DOCK3: variants seen among roughly 807,000 people sequenced by gnomAD.
DOCK3 encodes dedicator of cytokinesis 3.
A neutral mutation model predicts 265.6 loss-of-function variants in DOCK3; 60 were observed. The observed-to-expected ratio is 0.23, with a 90% confidence interval of 0.18 to 0.28. DOCK3 has a LOEUF of 0.28. Among genes scored for constraint, DOCK3 ranks in the 10% least tolerant of loss-of-function variants. The probability of loss-of-function intolerance (pLI) is 1.00; values close to 1 mark genes in which losing one functional copy is unlikely to be tolerated. For missense variants in DOCK3, 1,981 were observed against 2,594.3 expected (o/e 0.76, Z 5.14); for synonymous variants, 881 against 938.0 (o/e 0.94, Z 1.11).
chr3:50,695,066 A>G (rs931970535), intron 1 of DOCK3, among the ~76,000 whole-genome samples: 4 of 152,246 alleles, frequency 2.6e-5, no homozygotes, highest in African/African-American at 9.6e-5. Context: ...TTAGATAAAA[A>G]TAATGCAATC....
intron 9 of DOCK3, among the ~76,000 whole-genome samples, chr3:51,113,065 G>T (rs915223957): frequency 6.6e-6 from 1 of 152,110 alleles, no homozygotes; most frequent in Admixed American, 6.6e-5. Flanking sequence ...AAAACACATT[G>T]TATGCCCACC....
intron 9 of DOCK3, among the ~76,000 whole-genome samples, chr3:51,106,464 CATGT>C (rs1560070003): frequency 6.6e-6 from 1 of 152,198 alleles, no homozygotes; most frequent in African/African-American, 2.4e-5. Context: ...ACTTTGCAGG[CATGT>C]GTGTGTGTGC....
At chr3:51,211,000 T>C (rs575402340) in intron 13 of DOCK3, among the ~76,000 whole-genome samples, 5 of 152,228 alleles carry the variant, frequency 3.3e-5, no homozygotes, top group Admixed American at 6.5e-5. Context: ...ACAGTTCCAG[T>C]AGTAGCATGA....
chr3:51,206,034 C>T (rs2089189474), intron 12 of DOCK3, among the ~76,000 whole-genome samples: 1 of 152,194 alleles, frequency 6.6e-6, no homozygotes, highest in Non-Finnish European at 1.5e-5. Context: ...CTCAAATAGG[C>T]ACAAATATGA....
At chr3:51,253,010 A>G (rs374802509) in intron 22 of DOCK3, among the ~76,000 whole-genome samples, 3 of 152,208 alleles carry the variant, frequency 2.0e-5, no homozygotes, top group South Asian at 2.1e-4. Flanking sequence ...TGTCATAAGT[A>G]GCTCGTATTA....
intron 4 of DOCK3, among the ~76,000 whole-genome samples, chr3:50,927,314 C>T (rs564977174): frequency 3.0e-4 from 45 of 151,974 alleles, no homozygotes; most frequent in Admixed American, 5.2e-4. Context: ...TAGTGGGTAC[C>T]GAAATACCGC....
chr3:51,242,327 C>T (rs2078646479), intron 21 of DOCK3, among the ~76,000 whole-genome samples: 4 of 152,144 alleles, frequency 2.6e-5, no homozygotes. Flanking sequence ...AGACTGCTGG[C>T]CATTCCACTT....
intron 2 of DOCK3, among the ~76,000 whole-genome samples, chr3:50,798,728 C>A (rs531002582): frequency 6.6e-6 from 1 of 152,140 alleles, no homozygotes; most frequent in Admixed American, 6.5e-5. Flanking sequence ...AGAGCTTTTT[C>A]ATTTTATATA....
chr3:50,979,426 G>A (rs1298570108), intron 5 of DOCK3, among the ~76,000 whole-genome samples: 1 of 152,130 alleles, frequency 6.6e-6, no homozygotes, highest in African/African-American at 2.4e-5. Context: ...TCTCATGAAT[G>A]TTTTGCTGCC....
At chr3:51,055,237 C>T (rs1392777792) in intron 5 of DOCK3, among the ~76,000 whole-genome samples, 1 of 151,950 alleles carries the variant, frequency 6.6e-6, no homozygotes, top group Non-Finnish European at 1.5e-5. Flanking sequence ...CTGGGGAGCT[C>T]GATGTGGAAA....
chr3:50,745,691 A>G (rs1427691381), intron 1 of DOCK3, among the ~76,000 whole-genome samples: 2 of 152,210 alleles, frequency 1.3e-5, no homozygotes, highest in African/African-American at 2.4e-5. Flanking sequence ...AATATGAGCT[A>G]CTATCCCCGC....
In DOCK3 at chr3:51,227,460, C is replaced by A. The variant is rs1190483448; in HGVS notation, c.1540+15C>A. 8.1e-6 allele frequency: 13 copies of A among 1,613,456 alleles called. No homozygotes were observed. Among genetic ancestry groups the A allele is most frequent in the Non-Finnish European group, 1.1e-5 (13 of 1,179,580 alleles). The stretch of plus-strand genomic sequence containing the variant: ...ACATTGTTCCAGTGAGTTAGACTTC[C>A]CCCCCTCCACATTCCCTTGAGAATA... On this transcript the variant is annotated intron_variant, in intron 16 of 52. Transcript: ENST00000266037.
At chr3:50,713,187 A>G (rs2036878531) in intron 1 of DOCK3, among the ~76,000 whole-genome samples, 1 of 152,324 alleles carries the variant, frequency 6.6e-6, no homozygotes, top group African/African-American at 2.4e-5. Flanking sequence ...TATAAAGGAG[A>G]CAAAGGATCT....
At chr3:51,261,516 G>A (rs2079846149) in intron 23 of DOCK3, among the ~76,000 whole-genome samples, 1 of 152,152 alleles carries the variant, frequency 6.6e-6, no homozygotes, top group Non-Finnish European at 1.5e-5. Context: ...CTAGCTGCAG[G>A]AGTTTTTCTC....
intron 2 of DOCK3, chr3:50,787,730 C>G (rs991252094): frequency 3.2e-6 from 4 of 1,233,568 alleles, no homozygotes; most frequent in Non-Finnish European, 4.7e-6. Context: ...CTTTCTGTAA[C>G]GCTGACTTTC....
intron 9 of DOCK3, among the ~76,000 whole-genome samples, chr3:51,124,927 C>T (rs562827161): frequency 2.3e-4 from 33 of 146,016 alleles, no homozygotes; most frequent in African/African-American, 8.2e-4. Context: ...GTCAGGAGTT[C>T]GAGACCAGCC....
At position 50,780,033 on chromosome 3, in the gene DOCK3, A is replaced by T. The variant is rs1434713216; in HGVS notation, c.121+1275A>T. Among the ~76,000 whole-genome samples the T allele has an allele frequency of 2.6e-5, 4 of 152,098 alleles. No homozygotes were observed. The East Asian group carries it at 7.7e-4, about 29-fold the overall frequency. ...GGGTTACTGTTAAGAGGGGTATGGG[A>T]GGACATGTAACCTACCATGATCCAG... is the stretch of plus-strand genomic sequence containing the variant. On this transcript the variant is annotated intron_variant, in intron 2 of 52. Coordinates refer to ENST00000266037, the MANE Select transcript of DOCK3 (RefSeq NM_004947.5).
At chr3:50,994,931 G>A (rs2078227294) in intron 5 of DOCK3, among the ~76,000 whole-genome samples, 1 of 152,068 alleles carries the variant, frequency 6.6e-6, no homozygotes, top group Admixed American at 6.6e-5. Flanking sequence ...GAGAACTCAG[G>A]TTTCTTATAA....
intron 1 of DOCK3, among the ~76,000 whole-genome samples, chr3:50,766,200 G>A (rs2040861296): frequency 6.6e-6 from 1 of 151,882 alleles, no homozygotes; most frequent in South Asian, 2.1e-4. Context: ...GTATACATGT[G>A]CCATGTTGGT....
Sources: allele counts gnomAD v4.1 joint callset (sites outside exome capture counted in the v4.1 genomes callset), GRCh38; gene constraint gnomAD v4.1.1; transcripts MANE v1.5; gene names NCBI Gene and HGNC (gene_info 2026-07-23, HGNC 2026-07-21).